ADCY9: variants seen among roughly 807,000 people sequenced by gnomAD.
ADCY9 encodes the protein adenylate cyclase 9, also known as adenylate cyclase type 9.
ADCY9 carries 50 observed loss-of-function variants against 101.5 expected under a neutral mutation model. The observed-to-expected ratio is 0.49, with a 90% CI of 0.39 to 0.62. The LOEUF is 0.62. ADCY9 is among the 20% of genes least tolerant of loss of function. ADCY9 has a pLI of 0.00. For missense variants in ADCY9, 1,662 were observed against 1,800.4 expected (o/e 0.92, Z 1.39); for synonymous variants, 905 against 769.3 (o/e 1.18, Z -2.92).
chr16:4,082,421 C>T (rs1243392163), intron 2 of ADCY9, among the ~76,000 whole-genome samples: 1 of 152,188 alleles, frequency 6.6e-6, no homozygotes, highest in Non-Finnish European at 1.5e-5. Flanking sequence ...ACTAAAGTCA[C>T]AGCCACTAAT....
At chr16:4,103,425 T>C (rs1292911043) in intron 2 of ADCY9, among the ~76,000 whole-genome samples, 1 of 152,248 alleles carries the variant, frequency 6.6e-6, no homozygotes, top group African/African-American at 2.4e-5. Flanking sequence ...TGGGTGAAAC[T>C]GCTAGTGCCT....
In ADCY9 at chr16:4,029,265, C is replaced by T. The variant is rs184244277; in HGVS notation, c.1694-21707G>A. Among the ~76,000 whole-genome samples the T allele has an allele frequency of 2.2e-3, 332 of 152,156 alleles. 8 individuals carry two copies. The highest frequency in any genetic ancestry group is 0.02 in the Admixed American group (300 of 15,262). The stretch of plus-strand genomic sequence containing the variant: ...AGAAATAGGACAAAAAAAGTCCTCA[C>T]CTAACAAAGAAAAAAAGTGGATCAA... On this transcript the variant is annotated intron_variant, in intron 2 of 10. Coordinates refer to ENST00000294016, the MANE Select transcript of ADCY9 (RefSeq NM_001116.4).
intron 3 of ADCY9, among the ~76,000 whole-genome samples, chr16:4,004,251 TAAA>T (rs71133681): frequency 9.3e-6 from 1 of 107,722 alleles, no homozygotes; most frequent in Admixed American, 1.1e-4. Flanking sequence ...CCCATCTCTT[TAAA>T]AAAAAAAAAA....
At chr16:4,043,696 A>C (rs1184929664) in intron 2 of ADCY9, among the ~76,000 whole-genome samples, 3 of 152,138 alleles carry the variant, frequency 2.0e-5, no homozygotes, top group Non-Finnish European at 4.4e-5. Context: ...TCTCAAAAAT[A>C]ATAATAATAA....
chr16:4,105,656 G>A (rs2057071871), intron 2 of ADCY9, among the ~76,000 whole-genome samples: 2 of 149,258 alleles, frequency 1.3e-5, no homozygotes, highest in East Asian at 2.0e-4. Flanking sequence ...CTCCAGCCTG[G>A]GCAAGAGTGA....
chr16:4,110,082 C>G (rs930838777), intron 2 of ADCY9, among the ~76,000 whole-genome samples: 1 of 152,190 alleles, frequency 6.6e-6, no homozygotes, highest in Non-Finnish European at 1.5e-5. Context: ...CAGGAGCCCC[C>G]TCTAAAGCGC....
intron 10 of ADCY9, among the ~76,000 whole-genome samples, chr16:3,973,364 C>T (rs1160993531): frequency 6.6e-6 from 1 of 152,124 alleles, no homozygotes; most frequent in Non-Finnish European, 1.5e-5. Flanking sequence ...CCCACCACCA[C>T]CCCAGCTAAT....
At chr16:3,991,268 C>G (rs1308990882) in intron 5 of ADCY9, among the ~76,000 whole-genome samples, 1 of 152,096 alleles carries the variant, frequency 6.6e-6, no homozygotes, top group Non-Finnish European at 1.5e-5. Context: ...GATGAGACAA[C>G]CCGGCACCAC....
intron 2 of ADCY9, among the ~76,000 whole-genome samples, chr16:4,085,444 G>A (rs112991945): frequency 0.022 from 3,333 of 152,122 alleles, 77 homozygotes; most frequent in Admixed American, 0.042. Context: ...GGAGCCCTCC[G>A]TAAATGTGTG....
chr16:4,016,838 A>G (rs1296590047), intron 2 of ADCY9, among the ~76,000 whole-genome samples: 2 of 152,182 alleles, frequency 1.3e-5, no homozygotes, highest in Non-Finnish European at 2.9e-5. Context: ...GAGAGGGTGT[A>G]ACTGCTAACG....
At chr16:3,991,660 C>T (rs193139135) in intron 5 of ADCY9, among the ~76,000 whole-genome samples, 1 of 150,660 alleles carries the variant, frequency 6.6e-6, no homozygotes, top group African/African-American at 2.4e-5. Context: ...ACTTGAGAGA[C>T]CTAGGCAGGA....
chr16:4,107,707 C>A (rs1035085521), intron 2 of ADCY9, among the ~76,000 whole-genome samples: 4 of 152,082 alleles, frequency 2.6e-5, no homozygotes, highest in African/African-American at 9.7e-5. Flanking sequence ...AGGGGAACAC[C>A]TGAGCATGCA....
intron 2 of ADCY9, among the ~76,000 whole-genome samples, chr16:4,017,831 T>A (rs769620294): frequency 6.6e-6 from 1 of 152,140 alleles, no homozygotes; most frequent in African/African-American, 2.4e-5. Flanking sequence ...AATCATCCAA[T>A]TTGCAGCTCT....
At chr16:4,047,474 A>T (rs1012404929) in intron 2 of ADCY9, among the ~76,000 whole-genome samples, 1 of 150,990 alleles carries the variant, frequency 6.6e-6, no homozygotes, top group African/African-American at 2.4e-5. Flanking sequence ...GACATTATTT[A>T]AAAAAATCTT....
chr16:3,997,016 C>G (rs532766181), intron 3 of ADCY9, among the ~76,000 whole-genome samples: 13 of 152,258 alleles, frequency 8.5e-5, no homozygotes, highest in African/African-American at 2.9e-4. Flanking sequence ...AGGCGCCCAC[C>G]ACCACGCCTG....
At chr16:4,019,955 G>A (rs2056463607) in intron 2 of ADCY9, among the ~76,000 whole-genome samples, 1 of 152,186 alleles carries the variant, frequency 6.6e-6, no homozygotes, top group East Asian at 1.9e-4. Flanking sequence ...GCGGGAGCCT[G>A]TAATCCCAGC....
chr16:3,984,250 C>T (rs906846025), intron 6 of ADCY9: 3 of 152,230 alleles, frequency 2.0e-5, no homozygotes, highest in African/African-American at 4.8e-5. Context: ...GGTCCTGCTG[C>T]ATGGCGGAGT....
intron 2 of ADCY9, among the ~76,000 whole-genome samples, chr16:4,100,356 G>T (rs1027869943): frequency 6.6e-6 from 1 of 151,970 alleles, no homozygotes; most frequent in Admixed American, 6.6e-5. Context: ...CTGAGATGGG[G>T]TCTCACTCTG....
intron 2 of ADCY9, among the ~76,000 whole-genome samples, chr16:4,109,071 G>C (rs1340824874): frequency 6.6e-6 from 1 of 152,046 alleles, no homozygotes; most frequent in Non-Finnish European, 1.5e-5. Flanking sequence ...CCTTCTCCCA[G>C]TGACTGGCCA....
Sources: allele counts gnomAD v4.1 joint callset (sites outside exome capture counted in the v4.1 genomes callset), GRCh38; gene constraint gnomAD v4.1.1; transcripts MANE v1.5; gene names NCBI Gene and HGNC (gene_info 2026-07-23, HGNC 2026-07-21).